Variants in NUPR1 observed in about 807,000 individuals in gnomAD.
NUPR1 encodes the protein nuclear protein 1, transcriptional regulator, also known as nuclear protein 1.
Under a neutral mutation model 7.3 loss-of-function variants are expected in NUPR1, and 8 were observed. That is an observed-to-expected ratio of 1.09 (90% CI 0.64 to 1.97). NUPR1 has a LOEUF of 1.97. Among genes scored for constraint, NUPR1 ranks in the 30% most tolerant of loss-of-function variants. The pLI is 0.00. For synonymous variants in NUPR1, 39 were observed against 44.5 expected (o/e 0.88, Z 0.49); for missense variants, 96 against 111.7 (o/e 0.86, Z 0.63).
At position 28,532,990 on chromosome 16, in the gene NUPR1, A is replaced by G. The variant is rs1482836656; in HGVS notation, c.*4693T>C. On this transcript the variant is annotated 3_prime_UTR_variant, in exon 3 of 3. Coordinates refer to ENST00000324873, the MANE Select transcript of NUPR1 (RefSeq NM_012385.3). ...ACTTCTCACAGAATAGGAGCTCCAA[A>G]CACAGCAGAGATGTTTCCAGGATTT... 1.3e-5 allele frequency: 2 copies of G among 152,236 alleles called. No individual in the cohort carries two copies. Among genetic ancestry groups the G allele is most frequent in the African/African-American group, 4.8e-5 (2 of 41,458 alleles). 9.4% of individuals were successfully genotyped at this position (152,236 alleles called of 1,614,324 possible).
At position 28,535,580 on chromosome 16, in the gene NUPR1, C is replaced by CTTTCTTTCTTTTCTTTCTTTCTTTCT. The variant is rs1567277531; in HGVS notation, c.*2102_*2103insAGAAAGAAAGAAAGAAAAGAAAGAAA. 14 of 35,126 alleles carry CTTTCTTTCTTTTCTTTCTTTCTTTCT rather than the reference C, an allele frequency of 4.0e-4. No individual in the cohort carries two copies. Among genetic ancestry groups the CTTTCTTTCTTTTCTTTCTTTCTTTCT allele is most frequent in the African/African-American group, 2.2e-3 (13 of 5,956 alleles). The allele number at this position is 35,126 out of a possible 1,614,324, so 2.2% of individuals were successfully genotyped here. On this transcript the variant is annotated 3_prime_UTR_variant, in exon 3 of 3. Transcript: ENST00000324873. ...CTTTCTTTCCTTCCTTCCTTTCTTT[C>CTTTCTTTCTTTTCTTTCTTTCTTTCT]TTTCTTTCTTTCTTTCTTTCTTTCT...
rs1491235596 is a variant in NUPR1 at position 28,535,572 on chromosome 16, C to CTTCTTTCTTTCTTTCT, written c.*2110_*2111insAGAAAGAAAGAAAGAA. On this transcript the variant is annotated 3_prime_UTR_variant, in exon 3 of 3. Coordinates refer to ENST00000324873, the MANE Select transcript of NUPR1 (RefSeq NM_012385.3). ...CTTTCTTTCTTTCTTTCCTTCCTTCCTTTCTTTCTTTCTTTCTTTCTTTCT... is the reference window on the plus strand; with the variant it reads ...CTTTCTTTCTTTCTTTCCTTCCTTCCTTCTTTCTTTCTTTCTTTTCTTTCTTTCTTTCTTTCTTTCT... The CTTCTTTCTTTCTTTCT allele has an allele frequency of 3.4e-4, 3 of 8,854 alleles. No individual in the cohort carries two copies. Among genetic ancestry groups the CTTCTTTCTTTCTTTCT allele is most frequent in the East Asian group, 0.02 (1 of 50 alleles). 0.5% of individuals were successfully genotyped at this position (8,854 alleles called of 1,614,324 possible).
At position 28,534,020 on chromosome 16, in the gene NUPR1, C is replaced by G. The variant is rs537586778; in HGVS notation, c.*3663G>C. On this transcript the variant is annotated 3_prime_UTR_variant, in exon 3 of 3. Coordinates refer to ENST00000324873, the MANE Select transcript of NUPR1 (RefSeq NM_012385.3). ...TGGTGGCCCACACCTGTAGTCCCAG[C>G]TACTAGGGAGGCTGAGGCATGAAAA... 2.6e-5 allele frequency: 4 copies of G among 152,324 alleles called. No individual in the cohort carries two copies. The East Asian group carries it at 7.8e-4, about 30-fold the overall frequency. 9.4% of individuals were successfully genotyped at this position (152,324 alleles called of 1,614,324 possible).
At position 28,535,576 on chromosome 16, in the gene NUPR1, C is replaced by CTTTCTTTCTTTTCTTTCTTTCTTTCT. The variant is rs1567277495; in HGVS notation, c.*2106_*2107insAGAAAGAAAGAAAGAAAAGAAAGAAA. The CTTTCTTTCTTTTCTTTCTTTCTTTCT allele has an allele frequency of 1.8e-3, 72 of 39,260 alleles. No homozygotes were observed. The highest frequency in any genetic ancestry group is 0.01 in the African/African-American group (64 of 6,192). The allele number at this position is 39,260 out of a possible 1,614,324, so 2.4% of individuals were successfully genotyped here. ...CTTTCTTTCTTTCCTTCCTTCCTTT[C>CTTTCTTTCTTTTCTTTCTTTCTTTCT]TTTCTTTCTTTCTTTCTTTCTTTCT... On this transcript the variant is annotated 3_prime_UTR_variant, in exon 3 of 3. Transcript: ENST00000324873.
rs761302693 is a variant in NUPR1 at position 28,538,872 on chromosome 16, C to T, written c.36G>A (p.Gln12=). Residue 12 remains glutamine, a synonymous_variant, in exon 1 of 3, where the codon CAG becomes CAA. Coordinates refer to ENST00000324873, the MANE Select transcript of NUPR1 (RefSeq NM_012385.3). ...ATFPPATSAP[Q]QPPGPEDEDS... ...CCTCGTCCTCCGGGCCTGGGGGCTGCTGGGGGGCGCTGGTTGCTGGTGGGA... is the reference window on the plus strand; with the variant it reads ...CCTCGTCCTCCGGGCCTGGGGGCTGTTGGGGGGCGCTGGTTGCTGGTGGGA... The T allele has an allele frequency of 6.2e-6, 10 of 1,613,264 alleles. No individual in the cohort carries two copies. The South Asian group carries it at 9.9e-5, about 16-fold the overall frequency.
At chr16:28,537,952 G>C in intron 2 of NUPR1, 54 bp downstream of exon 2, 15 of 1,469,042 alleles carry the variant, frequency 1.0e-5, no homozygotes, top group Non-Finnish European at 1.3e-5. Context: ...CTTCCGGCCT[G>C]TCCTTCATGG....
Position 28,535,291 on chromosome 16 carries a change from TTC to T in NUPR1, c.*2390_*2391del, listed in dbSNP as rs2046602789. 6.6e-6 allele frequency: 1 copy of T among 151,688 alleles called. No homozygotes were observed. Among genetic ancestry groups the T allele is most frequent in the East Asian group, 1.9e-4 (1 of 5,144 alleles). 9.4% of individuals were successfully genotyped at this position (151,688 alleles called of 1,614,324 possible). ...CTTCCCTCCCTCCTTTCCTTCCTCT[TTC>T]TTTCCCTCCTTCTCTCTTTCTTTCT... is the stretch of plus-strand genomic sequence containing the variant. On this transcript the variant is annotated 3_prime_UTR_variant, in exon 3 of 3. Coordinates refer to ENST00000324873, the MANE Select transcript of NUPR1 (RefSeq NM_012385.3).
Position 28,533,205 on chromosome 16 carries a change from T to A in NUPR1, c.*4478A>T, listed in dbSNP as rs1335389974. The A allele has an allele frequency of 6.6e-6, 1 of 152,204 alleles. No individual in the cohort carries two copies. Among genetic ancestry groups the A allele is most frequent in the Non-Finnish European group, 1.5e-5 (1 of 68,076 alleles). The allele number at this position is 152,204 out of a possible 1,614,324, so 9.4% of individuals were successfully genotyped here. On this transcript the variant is annotated 3_prime_UTR_variant, in exon 3 of 3. Transcript: ENST00000324873. The stretch of plus-strand genomic sequence containing the variant: ...TCCTGGTAACTCAGAAGGCATCCAA[T>A]AAGCATTGATTGAGTTAATATGTAA...
chr16:28,537,906 A>G (rs1286190754), intron 2 of NUPR1, 100 bp downstream of exon 2: 3 of 929,242 alleles, frequency 3.2e-6, no homozygotes, highest in Admixed American at 2.3e-5. Flanking sequence ...TCAAGACAAC[A>G]GTTGCCTGAT....
chr16:28,538,844 A>G lies in NUPR1; in HGVS notation c.64T>C (p.Ser22Pro). The G allele has an allele frequency of 6.2e-7, 1 of 1,613,228 alleles. No homozygotes were observed. The highest frequency in any genetic ancestry group is 8.5e-7 in the Non-Finnish European group (1 of 1,179,764). The stretch of plus-strand genomic sequence containing the variant: ...TAGAGGTCAGATTCATCCAGGCTGG[A>G]GTCCTCGTCCTCCGGGCCTGGGGGC... ...QQPPGPEDED[S>P]SLDESDLYSL... The change falls in exon 1 of 3, where the codon TCC (serine) becomes CCC (proline). Residue 22 changes from serine to proline, a missense_variant. Ser to Pro is a moderately conservative substitution (Grantham distance 74, BLOSUM62 -1). Coordinates refer to ENST00000324873, the MANE Select transcript of NUPR1 (RefSeq NM_012385.3).
rs1567277342 is a variant in NUPR1, at chr16:28,535,545, T to TTTCTTTC, written c.*2137_*2138insGAAAGAA. 6 of 21,818 alleles carry TTTCTTTC rather than the reference T, an allele frequency of 2.8e-4. No homozygotes were observed. Among genetic ancestry groups the TTTCTTTC allele is most frequent in the Admixed American group, 6.9e-4 (1 of 1,448 alleles). The allele number at this position is 21,818 out of a possible 1,614,324, so 1.4% of individuals were successfully genotyped here. On this transcript the variant is annotated 3_prime_UTR_variant, in exon 3 of 3. Coordinates refer to ENST00000324873, the MANE Select transcript of NUPR1 (RefSeq NM_012385.3). The stretch of plus-strand genomic sequence containing the variant: ...TTTCTTTCTTTCTTTCTTTCTTTCC[T>TTTCTTTC]TCTTTCTTTCTTTCTTTCCTTCCTT...
In NUPR1 at chr16:28,538,616, GTTGT is replaced by G. The variant is rs756630827; in HGVS notation, c.112+176_112+179del. 4.6e-5 allele frequency: 32 copies of G among 697,420 alleles called. 2 individuals carry two copies. In the South Asian group the frequency reaches 4.7e-4, roughly 10 times the overall value. The allele number at this position is 697,420 out of a possible 1,614,324, so 43.2% of individuals were successfully genotyped here. Reference sequence around the variant, plus strand: ...GCCCAGGAGTTCGAGGCTGCGGTGAGTTGTTTGAGTTGTTGTGATCACACTACTG... The same window carrying G: ...GCCCAGGAGTTCGAGGCTGCGGTGAGTTGAGTTGTTGTGATCACACTACTG... On this transcript the variant is annotated intron_variant, in intron 1 of 2. Transcript: ENST00000324873.
chr16:28,535,523 CTT>C lies in NUPR1; in HGVS notation c.*2158_*2159del, dbSNP rs1230709835. 1 of 71,948 alleles carries C rather than the reference CTT, an allele frequency of 1.4e-5. No individual in the cohort carries two copies. The highest frequency in any genetic ancestry group is 4.8e-5 in the African/African-American group (1 of 20,992). The allele number at this position is 71,948 out of a possible 1,614,324, so 4.5% of individuals were successfully genotyped here. A position where few individuals can be genotyped will look rare whatever the true frequency, so the allele number is the denominator to read the frequency against. ...CGCTCTTTTCTTTCTTTCTTTCTTTCTTTCTTTCTTTCTTTCTTTCCTTCTTT... is the reference window on the plus strand; with the variant it reads ...CGCTCTTTTCTTTCTTTCTTTCTTTCTCTTTCTTTCTTTCTTTCCTTCTTT... On this transcript the variant is annotated 3_prime_UTR_variant, in exon 3 of 3. Transcript: ENST00000324873.
At position 28,537,302 on chromosome 16, in the gene NUPR1, C is replaced by T. The variant is rs1226841100; in HGVS notation, c.*381G>A. On this transcript the variant is annotated 3_prime_UTR_variant, in exon 3 of 3. Coordinates refer to ENST00000324873, the MANE Select transcript of NUPR1 (RefSeq NM_012385.3). Reference sequence around the variant, plus strand: ...TCTCAGGCTCATGAATGTGCAGGCACAGGCAAGCACACACATGCCCGAACA... The same window carrying T: ...TCTCAGGCTCATGAATGTGCAGGCATAGGCAAGCACACACATGCCCGAACA... The T allele has an allele frequency of 2.6e-5, 4 of 152,312 alleles. No homozygotes were observed. Among genetic ancestry groups the T allele is most frequent in the African/African-American group, 9.7e-5 (4 of 41,438 alleles). 9.4% of individuals were successfully genotyped at this position (152,312 alleles called of 1,614,324 possible). A position where few individuals can be genotyped will look rare whatever the true frequency, so the allele number is the denominator to read the frequency against.
At chr16:28,537,887 T>C in intron 2 of NUPR1, 119 bp downstream of exon 2, 1 of 801,816 alleles carries the variant, frequency 1.2e-6, no homozygotes, top group Non-Finnish European at 2.0e-6. Context: ...TGTCTCGTTT[T>C]ATTCTGCATC....
intron 2 of NUPR1, 38 bp downstream of exon 2, chr16:28,537,968 G>A (rs1422866618): frequency 6.5e-7 from 1 of 1,540,404 alleles, no homozygotes; most frequent in South Asian, 1.2e-5. Flanking sequence ...CATGGCAGAA[G>A]CACCACCTTG....
chr16:28,538,212 G>T (rs777011740), intron 1 of NUPR1, 57 bp from the exon 2 acceptor site: 1 of 1,611,496 alleles, frequency 6.2e-7, no homozygotes, highest in Non-Finnish European at 8.5e-7. Flanking sequence ...GAGAGGCCCT[G>T]TCAGAGGAGA....
intron 1 of NUPR1, 58 bp downstream of exon 1, chr16:28,538,738 G>A (rs1275963330): frequency 1.2e-5 from 15 of 1,264,610 alleles, no homozygotes; most frequent in African/African-American, 3.0e-5. Flanking sequence ...AACAAGAGGG[G>A]TGGGTCCTGA....
Position 28,535,567 on chromosome 16 carries a change from C to CTTTCTTTCTTTCCTTT in NUPR1, c.*2115_*2116insAAAGGAAAGAAAGAAA, listed in dbSNP as rs1359794297. 4.4e-5 allele frequency: 3 copies of CTTTCTTTCTTTCCTTT among 67,442 alleles called. No homozygotes were observed. The highest frequency in any genetic ancestry group is 1.7e-3 in the East Asian group (2 of 1,178). 4.2% of individuals were successfully genotyped at this position (67,442 alleles called of 1,614,324 possible). A position where few individuals can be genotyped will look rare whatever the true frequency, so the allele number is the denominator to read the frequency against. On this transcript the variant is annotated 3_prime_UTR_variant, in exon 3 of 3. Transcript: ENST00000324873. ...TCCTTCTTTCTTTCTTTCTTTCCTT[C>CTTTCTTTCTTTCCTTT]CTTCCTTTCTTTCTTTCTTTCTTTC... is the stretch of plus-strand genomic sequence containing the variant.
Sources: allele counts gnomAD v4.1 joint callset, GRCh38; gene constraint gnomAD v4.1.1; transcripts MANE v1.5; gene names NCBI Gene and HGNC (gene_info 2026-07-23, HGNC 2026-07-21).